PDE1A: variants seen among roughly 807,000 people sequenced by gnomAD.
PDE1A encodes phosphodiesterase 1A.
PDE1A carries 35 observed loss-of-function variants against 61.7 expected under a neutral mutation model. That is an observed-to-expected ratio of 0.57 (90% CI 0.43 to 0.75). The LOEUF (loss-of-function observed/expected upper bound fraction) is 0.75. Among genes scored for constraint, PDE1A ranks in the 30% least tolerant of loss-of-function variants. The pLI, the probability that PDE1A is intolerant of heterozygous loss-of-function variation, is 0.00. For synonymous variants in PDE1A, 232 were observed against 213.2 expected (o/e 1.09, Z -0.77); for missense variants, 597 against 630.6 (o/e 0.95, Z 0.57).
chr2:182,318,259 T>A (rs1292502686), intron 1 of PDE1A, among the ~76,000 whole-genome samples: 8 of 152,110 alleles, frequency 5.3e-5, no homozygotes. Context: ...GTAACACAAA[T>A]CAAATTATAT....
At chr2:182,263,021 A>G (rs554002869) in intron 2 of PDE1A, among the ~76,000 whole-genome samples, 2 of 151,670 alleles carry the variant, frequency 1.3e-5, no homozygotes, top group East Asian at 3.9e-4. Flanking sequence ...TCCAGTACAC[A>G]TAGGTAAATA....
At chr2:182,226,008 T>C (rs187689662) in intron 6 of PDE1A, among the ~76,000 whole-genome samples, 1 of 149,964 alleles carries the variant, frequency 6.7e-6, no homozygotes, top group East Asian at 1.9e-4. Flanking sequence ...CCAATGAAAC[T>C]ATGGAACTAA....
chr2:182,375,694 A>T (rs1013811859), intron 1 of PDE1A, among the ~76,000 whole-genome samples: 6 of 152,080 alleles, frequency 3.9e-5, no homozygotes, highest in African/African-American at 1.4e-4. Flanking sequence ...CCCAGTAGGG[A>T]TTCTGTGTGG....
intron 1 of PDE1A, among the ~76,000 whole-genome samples, chr2:182,297,074 G>A (rs994859108): frequency 6.6e-6 from 1 of 152,032 alleles, no homozygotes; most frequent in Non-Finnish European, 1.5e-5. Flanking sequence ...ATAATCATGT[G>A]AGCTATTCCT....
the PDE1A span, among the ~76,000 whole-genome samples, chr2:182,606,984 C>T: frequency 6.6e-6 from 1 of 152,112 alleles, no homozygotes; most frequent in Non-Finnish European, 1.5e-5. Flanking sequence ...AGACCAGTCT[C>T]AAATCCATCT....
the PDE1A span, among the ~76,000 whole-genome samples, chr2:182,680,382 TG>T: frequency 7.2e-5 from 11 of 152,040 alleles, no homozygotes; most frequent in East Asian, 1.9e-4. Flanking sequence ...GGCTAATTTT[TG>T]TTTTTTTTGT....
At chr2:182,515,954 CTGTGTGTGTGTGTGTGTGTG>C (rs201729102) in intron 2 of PDE1A, among the ~76,000 whole-genome samples, 7 of 130,528 alleles carry the variant, frequency 5.4e-5, no homozygotes, top group African/African-American at 1.7e-4. Context: ...GTGTGTGTTT[CTGTGTGTGTGTGTGTGTGTG>C]TGTGTGTGTG....
chr2:182,443,633 C>A (rs1436912571), intron 2 of PDE1A, among the ~76,000 whole-genome samples: 1 of 151,942 alleles, frequency 6.6e-6, no homozygotes, highest in Non-Finnish European at 1.5e-5. Flanking sequence ...TATGGCCTCC[C>A]CAGCCATGCT....
chr2:182,179,472 T>A (rs999492459), intron 13 of PDE1A, among the ~76,000 whole-genome samples: 4 of 152,078 alleles, frequency 2.6e-5, no homozygotes, highest in Non-Finnish European at 2.9e-5. Flanking sequence ...CAAAGAGGGA[T>A]AACAGCTTAA....
chr2:182,565,509 G>C, the PDE1A span, among the ~76,000 whole-genome samples: 20 of 152,074 alleles, frequency 1.3e-4, no homozygotes, highest in Non-Finnish European at 2.5e-4. Flanking sequence ...CAGGGATCAG[G>C]GACCCACTTG....
intron 2 of PDE1A, among the ~76,000 whole-genome samples, chr2:182,459,626 A>G (rs1001644869): frequency 3.3e-4 from 50 of 152,142 alleles, no homozygotes; most frequent in African/African-American, 1.2e-3. Flanking sequence ...CAAGAGCATC[A>G]GTTGACTAAG....
At chr2:182,252,374 G>A (rs1031730626) in intron 2 of PDE1A, among the ~76,000 whole-genome samples, 6 of 152,004 alleles carry the variant, frequency 3.9e-5, no homozygotes, top group Non-Finnish European at 7.4e-5. Flanking sequence ...TGTATATATG[G>A]TCAGCCATGA....
chr2:182,490,611 G>A (rs761231276), intron 2 of PDE1A, among the ~76,000 whole-genome samples: 3 of 151,900 alleles, frequency 2.0e-5, no homozygotes, highest in Non-Finnish European at 4.4e-5. Flanking sequence ...CTGAACTCAT[G>A]ATCCACCCAC....
intron 7 of PDE1A, among the ~76,000 whole-genome samples, chr2:182,209,583 C>A (rs1687406462): frequency 6.6e-6 from 1 of 151,654 alleles, no homozygotes; most frequent in Non-Finnish European, 1.5e-5. Context: ...ATCTCCAGTA[C>A]TGGTAGAGGG....
At chr2:182,666,896 C>G in the PDE1A span, among the ~76,000 whole-genome samples, 1 of 152,110 alleles carries the variant, frequency 6.6e-6, no homozygotes, top group Non-Finnish European at 1.5e-5. Context: ...TGGGTATTTC[C>G]TTTTTCCCAG....
chr2:182,378,432 C>T (rs1280471134), intron 1 of PDE1A, among the ~76,000 whole-genome samples: 1 of 152,128 alleles, frequency 6.6e-6, no homozygotes, highest in African/African-American at 2.4e-5. Flanking sequence ...ACTGAGTCAA[C>T]AACTGTCAAA....
At chr2:182,438,201 C>G (rs73975018) in intron 2 of PDE1A, among the ~76,000 whole-genome samples, 12,782 of 151,830 alleles carry the variant, frequency 0.084, 1,818 homozygotes, top group African/African-American at 0.29. Flanking sequence ...TAAGACCTCT[C>G]ATAATATGAG....
chr2:182,641,411 A>G, the PDE1A span, among the ~76,000 whole-genome samples: 36 of 152,322 alleles, frequency 2.4e-4, no homozygotes, highest in East Asian at 6.4e-3. Context: ...CCCATATTTC[A>G]TAACTAATAC....
chr2:182,526,435 A>G (rs1183942875), upstream of PDE1A, among the ~76,000 whole-genome samples: 2 of 152,188 alleles, frequency 1.3e-5, 1 homozygote. Context: ...CAGTATGAAG[A>G]CTTGAAACCA....
Sources: gnomAD v4.1 joint callset for allele counts (sites outside exome capture counted in the v4.1 genomes callset) on GRCh38, gnomAD v4.1.1 for gene constraint, MANE v1.5 for transcripts, NCBI Gene and HGNC (gene_info 2026-07-23, HGNC 2026-07-21) for gene names.